EYA4: variants seen among roughly 807,000 people sequenced by gnomAD.
EYA4 encodes the protein EYA transcriptional coactivator and phosphatase 4, also known as protein phosphatase EYA4.
Under a neutral mutation model 87.9 loss-of-function variants are expected in EYA4, and 31 were observed. The ratio of observed to expected loss-of-function variants is 0.35; its 90% CI spans 0.27 to 0.48. The LOEUF is 0.48. EYA4 is among the 20% of genes least tolerant of loss of function. The probability of loss-of-function intolerance (pLI) is 0.99; values close to 1 mark genes in which losing one functional copy is unlikely to be tolerated. For missense variants in EYA4, 678 were observed against 761.4 expected (o/e 0.89, Z 1.29); for synonymous variants, 263 against 270.6 (o/e 0.97, Z 0.28).
chr6:133,275,432 C>G (rs558494269), intron 2 of EYA4, among the ~76,000 whole-genome samples: 31 of 152,252 alleles, frequency 2.0e-4, no homozygotes, highest in African/African-American at 7.2e-4. Context: ...ACCCCCACGC[C>G]TTCACACTAC....
At chr6:133,522,203 A>T in intron 17 of EYA4, among the ~76,000 whole-genome samples, 1 of 137,062 alleles carries the variant, frequency 7.3e-6, no homozygotes. Context: ...TTTAAGTTCT[A>T]GGGTACATGT....
intron 13 of EYA4, among the ~76,000 whole-genome samples, chr6:133,490,473 G>A (rs1443669130): frequency 6.6e-6 from 1 of 151,328 alleles, no homozygotes; most frequent in African/African-American, 2.4e-5. Flanking sequence ...CACAGAGACT[G>A]AAAATAATGG....
At chr6:133,485,669 T>G (rs563756351) in intron 13 of EYA4, among the ~76,000 whole-genome samples, 1 of 152,160 alleles carries the variant, frequency 6.6e-6, no homozygotes, top group African/African-American at 2.4e-5. Context: ...GGCAGTTGGG[T>G]GAGTTCTCTT....
intron 3 of EYA4, among the ~76,000 whole-genome samples, chr6:133,397,163 A>T (rs1787877101): frequency 6.6e-6 from 1 of 152,196 alleles, no homozygotes; most frequent in Non-Finnish European, 1.5e-5. Context: ...CATTGCAATG[A>T]GGGCATCCAC....
chr6:133,440,341 T>G (rs573929827), intron 3 of EYA4, among the ~76,000 whole-genome samples: 1 of 152,362 alleles, frequency 6.6e-6, no homozygotes, highest in African/African-American at 2.4e-5. Context: ...TGGAAGCTAC[T>G]GAGTTTGACA....
At chr6:133,423,001 GT>G (rs1790350746) in intron 3 of EYA4, among the ~76,000 whole-genome samples, 1 of 152,136 alleles carries the variant, frequency 6.6e-6, no homozygotes, top group African/African-American at 2.4e-5. Context: ...GGAGAGATGT[GT>G]TTTCAGATGG....
intron 2 of EYA4, among the ~76,000 whole-genome samples, chr6:133,289,291 G>A (rs906073418): frequency 1.3e-5 from 2 of 152,154 alleles, no homozygotes; most frequent in Non-Finnish European, 2.9e-5. Context: ...TTTTACAGGA[G>A]GCAAATACCT....
Position 133,332,711 on chromosome 6 carries a change from A to ATT in EYA4, c.34-49657_34-49656dup, listed in dbSNP as rs71003634. 4.6e-3 allele frequency among the ~76,000 whole-genome samples: 579 copies of ATT among 124,766 alleles called. 3 individuals carry two copies. The highest frequency in any genetic ancestry group is 0.014 in the East Asian group (57 of 4,158). 81.9% of individuals were successfully genotyped at this position (124,766 alleles called of 152,430 possible). A position where few individuals can be genotyped will look rare whatever the true frequency, so the allele number is the denominator to read the frequency against. Reference sequence around the variant, plus strand: ...GGCATGTGCCACCACGCCCAGCTAAATTTTTTTTTTTTTTTTTTTTTTTTT... The same window carrying ATT: ...GGCATGTGCCACCACGCCCAGCTAAATTTTTTTTTTTTTTTTTTTTTTTTTTT... On this transcript the variant is annotated intron_variant, in intron 2 of 19. Coordinates refer to ENST00000355286, the MANE Select transcript of EYA4 (RefSeq NM_004100.5).
At chr6:133,320,301 A>C (rs1036635092) in intron 2 of EYA4, among the ~76,000 whole-genome samples, 4 of 151,986 alleles carry the variant, frequency 2.6e-5, no homozygotes, top group African/African-American at 9.7e-5. Context: ...AAGATGGATA[A>C]ATTTTATACA....
intron 2 of EYA4, among the ~76,000 whole-genome samples, chr6:133,359,022 A>C (rs1784275029): frequency 6.6e-6 from 1 of 152,194 alleles, no homozygotes; most frequent in Non-Finnish European, 1.5e-5. Flanking sequence ...AGGCCTCGTA[A>C]GAAAAAAAAG....
chr6:133,531,873 G>A lies in EYA4; in HGVS notation c.*3068G>A, dbSNP rs1398406167. ...ACAAGCCTACATTCTCAGTGAATAT[G>A]GCATTTAGTATTTCTTTTGAAAACA... On this transcript the variant is annotated 3_prime_UTR_variant, in exon 20 of 20. Coordinates refer to ENST00000355286, the MANE Select transcript of EYA4 (RefSeq NM_004100.5). 6.6e-6 allele frequency: 1 copy of A among 152,042 alleles called. No homozygotes were observed. The highest frequency in any genetic ancestry group is 1.5e-5 in the Non-Finnish European group (1 of 68,012). 9.4% of individuals were successfully genotyped at this position (152,042 alleles called of 1,614,324 possible).
intron 2 of EYA4, among the ~76,000 whole-genome samples, chr6:133,331,922 C>T (rs1040919751): frequency 6.6e-6 from 1 of 152,192 alleles, no homozygotes; most frequent in Non-Finnish European, 1.5e-5. Flanking sequence ...TGTTATTGTG[C>T]TCTTGTGTGG....
chr6:133,339,046 G>A (rs1044023074), intron 2 of EYA4, among the ~76,000 whole-genome samples: 2 of 152,034 alleles, frequency 1.3e-5, no homozygotes, highest in African/African-American at 2.4e-5. Flanking sequence ...CGGGGTGCAG[G>A]GTCAGGTAAG....
intron 3 of EYA4, among the ~76,000 whole-genome samples, chr6:133,414,226 T>C (rs1789506292): frequency 6.6e-6 from 1 of 152,128 alleles, no homozygotes; most frequent in Non-Finnish European, 1.5e-5. Flanking sequence ...CTCCATGTCT[T>C]GGTTTTTACA....
At chr6:133,310,725 A>G (rs1780149892) in intron 2 of EYA4, among the ~76,000 whole-genome samples, 1 of 152,200 alleles carries the variant, frequency 6.6e-6, no homozygotes, top group East Asian at 1.9e-4. Flanking sequence ...AATTTGTAGC[A>G]TTGCAGACTG....
intron 2 of EYA4, among the ~76,000 whole-genome samples, chr6:133,302,363 T>C (rs1355023531): frequency 6.6e-6 from 1 of 152,078 alleles, no homozygotes; most frequent in Non-Finnish European, 1.5e-5. Flanking sequence ...CCTTAGGGGA[T>C]AGGAAGAGAT....
intron 1 of EYA4, among the ~76,000 whole-genome samples, chr6:133,255,006 G>T (rs921652638): frequency 6.6e-6 from 1 of 152,166 alleles, no homozygotes; most frequent in Admixed American, 6.6e-5. Context: ...TGTGACTTTG[G>T]TCATGTAATT....
At chr6:133,274,196 A>T (rs778597280) in intron 1 of EYA4, among the ~76,000 whole-genome samples, 11 of 152,094 alleles carry the variant, frequency 7.2e-5, no homozygotes, top group Admixed American at 3.3e-4. Flanking sequence ...TCTTTAACAT[A>T]TTGTCTTTTT....
chr6:133,259,163 T>C (rs1775589682), intron 1 of EYA4, among the ~76,000 whole-genome samples: 1 of 152,190 alleles, frequency 6.6e-6, no homozygotes, highest in African/African-American at 2.4e-5. Flanking sequence ...CTGACTGAAT[T>C]CCCTTATAAT....
Sources: gnomAD v4.1 joint callset for allele counts (sites outside exome capture counted in the v4.1 genomes callset) on GRCh38, gnomAD v4.1.1 for gene constraint, MANE v1.5 for transcripts, NCBI Gene and HGNC (gene_info 2026-07-23, HGNC 2026-07-21) for gene names.